The following ADAMTS12 variants were observed in gnomAD, a reference collection of about 807,000 sequenced individuals.
ADAMTS12 encodes the protein ADAM metallopeptidase with thrombospondin type 1 motif 12.
A neutral mutation model predicts 167.8 loss-of-function variants in ADAMTS12; 118 were observed. The observed-to-expected ratio is 0.70, with a 90% CI of 0.61 to 0.82. The LOEUF (loss-of-function observed/expected upper bound fraction) is 0.82. Ranked by LOEUF, ADAMTS12 falls within the 40% of genes least tolerant of loss-of-function variation. ADAMTS12 has a pLI of 0.00. For missense variants in ADAMTS12, 1,916 were observed against 1,998.8 expected (o/e 0.96, Z 0.79); for synonymous variants, 704 against 716.9 (o/e 0.98, Z 0.29).
At chr5:33,825,242 G>GA (rs538292701) in intron 2 of ADAMTS12, among the ~76,000 whole-genome samples, 76 of 152,300 alleles carry the variant, frequency 5.0e-4, no homozygotes, top group African/African-American at 1.8e-3. Context: ...AAAGCATGCT[G>GA]AAAATCCCTT....
At chr5:33,595,172 T>TC (rs1747858125) in intron 17 of ADAMTS12, among the ~76,000 whole-genome samples, 1 of 151,922 alleles carries the variant, frequency 6.6e-6, no homozygotes, top group South Asian at 2.1e-4. Flanking sequence ...TTTCTCTCTC[T>TC]TTTTTTTAAA....
At chr5:33,573,194 A>G (rs1227530529) in intron 19 of ADAMTS12, among the ~76,000 whole-genome samples, 11 of 151,676 alleles carry the variant, frequency 7.3e-5, no homozygotes, top group Non-Finnish European at 1.5e-5. Flanking sequence ...TTATAGATTC[A>G]ATGCCATCCC....
At chr5:33,682,163 A>G (rs115019995) in intron 5 of ADAMTS12, among the ~76,000 whole-genome samples, 60 of 152,344 alleles carry the variant, frequency 3.9e-4, no homozygotes, top group African/African-American at 1.3e-3. Context: ...GTAAGACCAC[A>G]GTGCTCCTTG....
intron 1 of ADAMTS12, among the ~76,000 whole-genome samples, chr5:33,889,298 T>G (rs974201830): frequency 6.6e-6 from 1 of 151,996 alleles, no homozygotes; most frequent in Non-Finnish European, 1.5e-5. Context: ...AAAAAAAAAT[T>G]AAATATTTCA....
chr5:33,649,836 T>A, intron 7 of ADAMTS12, 139 bp from the exon 8 acceptor site: 1 of 1,157,694 alleles, frequency 8.6e-7, no homozygotes, highest in Non-Finnish European at 1.2e-6. Flanking sequence ...AAGTGAGACT[T>A]TGAAGTCGGA....
At chr5:33,599,080 A>G (rs1286666060) in intron 16 of ADAMTS12, among the ~76,000 whole-genome samples, 1 of 152,212 alleles carries the variant, frequency 6.6e-6, no homozygotes, top group Non-Finnish European at 1.5e-5. Flanking sequence ...ATAAAACAGC[A>G]TTCAGATGGT....
chr5:33,599,159 C>A (rs1379723090), intron 16 of ADAMTS12, among the ~76,000 whole-genome samples: 1 of 152,182 alleles, frequency 6.6e-6, no homozygotes, highest in African/African-American at 2.4e-5. Context: ...GCACAGCATA[C>A]CCAATGTGTC....
chr5:33,858,065 C>T (rs1017948008), intron 2 of ADAMTS12, among the ~76,000 whole-genome samples: 6 of 152,172 alleles, frequency 3.9e-5, no homozygotes, highest in Admixed American at 6.5e-5. Context: ...GCAAGACACA[C>T]ATTCTTTTCA....
At chr5:33,646,291 A>T (rs1740660302) in intron 9 of ADAMTS12, among the ~76,000 whole-genome samples, 1 of 152,212 alleles carries the variant, frequency 6.6e-6, no homozygotes, top group South Asian at 2.1e-4. Context: ...AACCCCCTAA[A>T]GGCTAAAAAT....
At chr5:33,805,644 A>G (rs1407734126) in intron 2 of ADAMTS12, among the ~76,000 whole-genome samples, 1 of 152,220 alleles carries the variant, frequency 6.6e-6, no homozygotes, top group Admixed American at 6.5e-5. Context: ...AGACCTATGC[A>G]CTATTTTTGT....
intron 12 of ADAMTS12, among the ~76,000 whole-genome samples, chr5:33,636,185 T>C (rs1313525025): frequency 6.6e-6 from 1 of 152,132 alleles, no homozygotes; most frequent in Non-Finnish European, 1.5e-5. Context: ...CAACTGTATA[T>C]CTGGGAGGGG....
intron 3 of ADAMTS12, among the ~76,000 whole-genome samples, chr5:33,690,460 G>GAA (rs35569469): frequency 2.4e-4 from 34 of 144,314 alleles, no homozygotes; most frequent in African/African-American, 7.1e-4. Context: ...ATAAGCACCT[G>GAA]AAAAAAAAAA....
At chr5:33,631,016 G>T in intron 12 of ADAMTS12, 103 bp from the exon 13 acceptor site, 1 of 1,391,494 alleles carries the variant, frequency 7.2e-7, no homozygotes, top group South Asian at 1.4e-5. Context: ...CATTTACTCT[G>T]GCAATCCCAC....
chr5:33,819,783 T>G (rs1055560577), intron 2 of ADAMTS12, among the ~76,000 whole-genome samples: 8 of 152,132 alleles, frequency 5.3e-5, no homozygotes, highest in Admixed American at 6.6e-5. Flanking sequence ...CCATCAGTGA[T>G]GGACTTCCTA....
At chr5:33,745,437 G>A (rs1744745796) in intron 3 of ADAMTS12, among the ~76,000 whole-genome samples, 1 of 152,160 alleles carries the variant, frequency 6.6e-6, no homozygotes, top group South Asian at 2.1e-4. Context: ...CATCTATCAG[G>A]TGAAACTGAT....
chr5:33,870,249 G>A (rs934309045), intron 2 of ADAMTS12, among the ~76,000 whole-genome samples: 11 of 152,142 alleles, frequency 7.2e-5, no homozygotes, highest in African/African-American at 2.7e-4. Context: ...TACATCTTCA[G>A]CTTATGAAGA....
chr5:33,680,548 A>T (rs1742075361), intron 5 of ADAMTS12, among the ~76,000 whole-genome samples: 1 of 150,992 alleles, frequency 6.6e-6, no homozygotes, highest in Non-Finnish European at 1.5e-5. Flanking sequence ...ATGTTTCTTC[A>T]CATTTCTATC....
intron 3 of ADAMTS12, among the ~76,000 whole-genome samples, chr5:33,706,084 C>G (rs1051766578): frequency 6.6e-6 from 1 of 151,994 alleles, no homozygotes; most frequent in Admixed American, 6.6e-5. Context: ...TATCAAAATA[C>G]CAATGACTTT....
chr5:33,852,455 T>C (rs142039152), intron 2 of ADAMTS12, among the ~76,000 whole-genome samples: 6 of 152,214 alleles, frequency 3.9e-5, no homozygotes, highest in Non-Finnish European at 7.4e-5. Flanking sequence ...AAATCTGCCA[T>C]AAACAGGGTA....
Sources: allele counts gnomAD v4.1 joint callset (sites outside exome capture counted in the v4.1 genomes callset), GRCh38; gene constraint gnomAD v4.1.1; transcripts MANE v1.5; gene names NCBI Gene and HGNC (gene_info 2026-07-23, HGNC 2026-07-21).